Variants in MAP2K6 observed in about 807,000 individuals in gnomAD.
The protein encoded by MAP2K6 is dual specificity mitogen-activated protein kinase kinase 6.
MAP2K6 carries 16 observed loss-of-function variants against 53.7 expected under a neutral mutation model. That is an observed-to-expected ratio of 0.30 (90% CI 0.20 to 0.45). The LOEUF is 0.45. Among genes scored for constraint, MAP2K6 ranks in the 20% least tolerant of loss-of-function variants. The pLI, the probability that MAP2K6 is intolerant of heterozygous loss-of-function variation, is 1.00. For missense variants in MAP2K6, 204 were observed against 411.9 expected (o/e 0.50, Z 4.37); for synonymous variants, 132 against 143.1 (o/e 0.92, Z 0.55).
At chr17:69,437,738 A>G (rs1598261614) in intron 1 of MAP2K6, among the ~76,000 whole-genome samples, 1 of 152,198 alleles carries the variant, frequency 6.6e-6, no homozygotes, top group African/African-American at 2.4e-5. Flanking sequence ...TTGCTCTTCA[A>G]CCCTTCTTCC....
chr17:69,509,480 T>C (rs1312491906), intron 2 of MAP2K6, among the ~76,000 whole-genome samples: 1 of 152,204 alleles, frequency 6.6e-6, no homozygotes, highest in African/African-American at 2.4e-5. Context: ...TTCTATTCTG[T>C]GACTTTACTA....
chr17:69,455,615 G>A (rs1462201586), intron 1 of MAP2K6, among the ~76,000 whole-genome samples: 2 of 152,082 alleles, frequency 1.3e-5, no homozygotes, highest in Non-Finnish European at 2.9e-5. Context: ...TATGGTTGGT[G>A]TAAACTAGGG....
At chr17:69,525,522 G>T (rs1293844446) in intron 9 of MAP2K6, among the ~76,000 whole-genome samples, 2 of 152,206 alleles carry the variant, frequency 1.3e-5, no homozygotes, top group African/African-American at 4.8e-5. Context: ...AGAAAAAGAG[G>T]TTTAATGGAC....
intron 1 of MAP2K6, among the ~76,000 whole-genome samples, chr17:69,481,567 C>T (rs926523345): frequency 1.3e-5 from 2 of 152,110 alleles, no homozygotes; most frequent in African/African-American, 2.4e-5. Flanking sequence ...TTTATTTTCT[C>T]ATAATTCTGC....
chr17:69,521,228 T>A, intron 7 of MAP2K6, 128 bp downstream of exon 7: 1 of 706,626 alleles, frequency 1.4e-6, no homozygotes, highest in South Asian at 2.0e-5. Flanking sequence ...ACTAAGGGGC[T>A]TTCCTTTGAG....
chr17:69,443,426 A>G (rs372887878), intron 1 of MAP2K6, among the ~76,000 whole-genome samples: 50 of 152,240 alleles, frequency 3.3e-4, no homozygotes, highest in African/African-American at 1.2e-3. Context: ...TGGTAGTGTT[A>G]GACCCTGCCC....
At chr17:69,505,604 T>TC (rs1909425705) in intron 1 of MAP2K6, 176 bp from the exon 2 acceptor site, 1 of 601,344 alleles carries the variant, frequency 1.7e-6, no homozygotes, top group East Asian at 2.9e-5. Flanking sequence ...AGAAGCTCTG[T>TC]CCTACCTGGT....
At chr17:69,460,859 C>T (rs1012420205) in intron 1 of MAP2K6, among the ~76,000 whole-genome samples, 6 of 152,172 alleles carry the variant, frequency 3.9e-5, no homozygotes, top group Non-Finnish European at 7.3e-5. Context: ...CTTGGCCTCC[C>T]AAGGTGCTGG....
intron 2 of MAP2K6, 36 bp downstream of exon 2, chr17:69,505,882 T>G: frequency 6.3e-7 from 1 of 1,580,364 alleles, no homozygotes; most frequent in Non-Finnish European, 8.7e-7. Context: ...ATCCAAATCC[T>G]TGTGCTTTCA....
Position 69,544,150 on chromosome 17 carries a change from G to A in MAP2K6, c.*2397G>A, listed in dbSNP as rs1016344709. On this transcript the variant is annotated 3_prime_UTR_variant, in exon 12 of 12. Transcript: ENST00000590474. ...CATTTGCAGGGAGTAACATGCCATT[G>A]CAGAAAGTAACAAAAACAGGTCCTA... 6.6e-6 allele frequency: 1 copy of A among 152,128 alleles called. No homozygotes were observed. Among genetic ancestry groups the A allele is most frequent in the Admixed American group, 6.6e-5 (1 of 15,258 alleles). 9.4% of individuals were successfully genotyped at this position (152,128 alleles called of 1,614,324 possible).
At chr17:69,464,534 G>A (rs946232377) in intron 1 of MAP2K6, among the ~76,000 whole-genome samples, 33 of 151,570 alleles carry the variant, frequency 2.2e-4, no homozygotes, top group Non-Finnish European at 3.4e-4. Context: ...GGCGTGCGCC[G>A]CCACGCCTGG....
chr17:69,481,994 G>C (rs1371474315), intron 1 of MAP2K6, among the ~76,000 whole-genome samples: 2 of 152,078 alleles, frequency 1.3e-5, no homozygotes, highest in Non-Finnish European at 2.9e-5. Context: ...TAGGGTGGCT[G>C]TGAGATTTAA....
rs540668412 is a variant in MAP2K6, at chr17:69,435,791, C to T, written c.16+20791C>T. On this transcript the variant is annotated intron_variant, in intron 1 of 11. Coordinates refer to ENST00000590474, the MANE Select transcript of MAP2K6 (RefSeq NM_002758.4). ...CAAGTGATTCTCCCGCCTAAGCCTC[C>T]TGAGTAGCTGGGATTATAGGCACCC... is the stretch of plus-strand genomic sequence containing the variant. 2.6e-5 allele frequency among the ~76,000 whole-genome samples: 4 copies of T among 152,000 alleles called. No individual in the cohort carries two copies. The South Asian group carries it at 8.3e-4, about 32-fold the overall frequency.
At chr17:69,515,775 G>A (rs1910109255) in intron 2 of MAP2K6, among the ~76,000 whole-genome samples, 1 of 152,226 alleles carries the variant, frequency 6.6e-6, no homozygotes, top group Non-Finnish European at 1.5e-5. Context: ...TGGGGCAGCT[G>A]TGGGCTGGGA....
At chr17:69,492,654 C>A (rs1044954870) in intron 1 of MAP2K6, among the ~76,000 whole-genome samples, 40 of 152,176 alleles carry the variant, frequency 2.6e-4, no homozygotes, top group African/African-American at 8.4e-4. Flanking sequence ...AGCTGCATCA[C>A]CAAAGTCTCT....
chr17:69,543,455 A>G lies in MAP2K6; in HGVS notation c.*1702A>G, dbSNP rs1911746523. 1 of 152,076 alleles carries G rather than the reference A, an allele frequency of 6.6e-6. No homozygotes were observed. The highest frequency in any genetic ancestry group is 1.5e-5 in the Non-Finnish European group (1 of 68,010). The allele number at this position is 152,076 out of a possible 1,614,324, so 9.4% of individuals were successfully genotyped here. A position where few individuals can be genotyped will look rare whatever the true frequency, so the allele number is the denominator to read the frequency against. On this transcript the variant is annotated 3_prime_UTR_variant, in exon 12 of 12. Coordinates refer to ENST00000590474, the MANE Select transcript of MAP2K6 (RefSeq NM_002758.4). ...CGAACACTTCTTCATATTCAGTTCCAAGATATATCTGCTTGATTAAACATG... is the reference window on the plus strand; with the variant it reads ...CGAACACTTCTTCATATTCAGTTCCGAGATATATCTGCTTGATTAAACATG...
At chr17:69,519,922 C>T (rs556667598) in intron 5 of MAP2K6, 9 of 235,812 alleles carry the variant, frequency 3.8e-5, no homozygotes, top group East Asian at 1.2e-4. Context: ...GTGAGAGATA[C>T]GACATGGAGG....
At position 69,465,093 on chromosome 17, in the gene MAP2K6, T is replaced by G. The variant is rs929379779; in HGVS notation, c.17-40687T>G. ...ACAGAGCCTGATGCATAATAGCTCC[T>G]TGATAATATTTGTTGATTGAATGAA... On this transcript the variant is annotated intron_variant, in intron 1 of 11. Transcript: ENST00000590474. Among the ~76,000 whole-genome samples, 6 of 151,756 alleles carry G rather than the reference T, an allele frequency of 4.0e-5. No individual in the cohort carries two copies. In the South Asian group the frequency reaches 1.3e-3, roughly 32 times the overall value.
chr17:69,500,731 G>GT (rs1909134194), intron 1 of MAP2K6, among the ~76,000 whole-genome samples: 3 of 151,390 alleles, frequency 2.0e-5, no homozygotes, highest in African/African-American at 7.3e-5. Flanking sequence ...ACTCCAGGCT[G>GT]GGTGACAGAG....
Sources: allele counts gnomAD v4.1 joint callset (sites outside exome capture counted in the v4.1 genomes callset), GRCh38; gene constraint gnomAD v4.1.1; transcripts MANE v1.5; gene names NCBI Gene and HGNC (gene_info 2026-07-23, HGNC 2026-07-21).